The following MAGI3 variants were observed in gnomAD, a reference collection of about 807,000 sequenced individuals.
MAGI3 encodes the protein membrane associated guanylate kinase, WW and PDZ domain containing 3, also known as membrane-associated guanylate kinase, WW and PDZ domain-containing protein 3.
A neutral mutation model predicts 121.8 loss-of-function variants in MAGI3; 43 were observed. The ratio of observed to expected loss-of-function variants is 0.35; its 90% confidence interval spans 0.28 to 0.46. MAGI3 has a LOEUF of 0.46. Ranked by LOEUF, MAGI3 falls within the 20% of genes least tolerant of loss-of-function variation. The pLI, the probability that MAGI3 is intolerant of heterozygous loss-of-function variation, is 1.00. For synonymous variants in MAGI3, 553 were observed against 639.3 expected (o/e 0.86, Z 2.04); for missense variants, 1,547 against 1,797.3 (o/e 0.86, Z 2.52).
At chr1:113,618,178 T>A (rs1407952276) in intron 7 of MAGI3, among the ~76,000 whole-genome samples, 2 of 147,278 alleles carry the variant, frequency 1.4e-5, no homozygotes, top group African/African-American at 5.3e-5. Flanking sequence ...AAAAAAAAAA[T>A]TTTTTTTAAT....
At position 113,659,120 on chromosome 1, in the gene MAGI3, G is replaced by A. The variant is rs1481077287; in HGVS notation, c.2670G>A (p.Pro890=). ...HKIGRVIEGS[P]ADRCGKLKVG... ...TTGGCCGAGTCATAGAAGGAAGTCCGGCTGACCGCTGTGGAAAACTGAAAG... is the reference window on the plus strand; with the variant it reads ...TTGGCCGAGTCATAGAAGGAAGTCCAGCTGACCGCTGTGGAAAACTGAAAG... Residue 890 remains proline, a synonymous_variant, in exon 16 of 21, where the codon CCG becomes CCA. Transcript: ENST00000307546. 8 of 1,613,488 alleles carry A rather than the reference G, an allele frequency of 5.0e-6. No homozygotes were observed. The highest frequency in any genetic ancestry group is 1.3e-5 in the African/African-American group (1 of 74,886).
chr1:113,679,382 C>T (rs1252017439), intron 19 of MAGI3, among the ~76,000 whole-genome samples: 2 of 152,136 alleles, frequency 1.3e-5, no homozygotes, highest in Non-Finnish European at 2.9e-5. Context: ...CGTTAGTTTG[C>T]TTAGGATAAT....
At position 113,623,009 on chromosome 1, in the gene MAGI3, A is replaced by T. The variant is rs894396343; in HGVS notation, c.1360+15A>T. 1.3e-6 allele frequency: 2 copies of T among 1,493,130 alleles called. No homozygotes were observed. The highest frequency in any genetic ancestry group is 2.9e-5 in the African/African-American group (2 of 68,396). 92.5% of individuals were successfully genotyped at this position (1,493,130 alleles called of 1,614,324 possible). ...AATTGCACCAGGTAAGAAATTTTTC[A>T]TAATTATTTGAAGAGTAGTGATACT... is the stretch of plus-strand genomic sequence containing the variant. On this transcript the variant is annotated intron_variant, in intron 9 of 20. Coordinates refer to ENST00000307546, the MANE Select transcript of MAGI3 (RefSeq NM_001142782.2).
intron 1 of MAGI3, among the ~76,000 whole-genome samples, chr1:113,448,219 G>A (rs760104126): frequency 5.6e-4 from 86 of 152,258 alleles, no homozygotes; most frequent in Middle Eastern, 3.4e-3. Context: ...CTTTCTATGT[G>A]AGCACGTACA....
intron 9 of MAGI3, among the ~76,000 whole-genome samples, chr1:113,637,372 T>A (rs1490112102): frequency 6.6e-6 from 1 of 152,244 alleles, no homozygotes; most frequent in Non-Finnish European, 1.5e-5. Flanking sequence ...TGGTACCAGT[T>A]GTTCCTTTCC....
chr1:113,567,696 A>T (rs961613867), intron 2 of MAGI3, among the ~76,000 whole-genome samples: 4 of 152,038 alleles, frequency 2.6e-5, no homozygotes, highest in Non-Finnish European at 5.9e-5. Flanking sequence ...ATTTTTAAAA[A>T]TACTCAACAA....
At chr1:113,534,082 T>C (rs1353738415) in intron 1 of MAGI3, among the ~76,000 whole-genome samples, 1 of 152,186 alleles carries the variant, frequency 6.6e-6, no homozygotes, top group Non-Finnish European at 1.5e-5. Flanking sequence ...TAATTTCTTA[T>C]GTTTAGTATG....
At position 113,568,816 on chromosome 1, in the gene MAGI3, G is replaced by GA. The variant is rs1215904137; in HGVS notation, c.434-11723dup. ...TTTTTTGTGTTAAAGTCCTAGGTGT[G>GA]AAAGGCAAACCTGTAGTGCTTTTTA... On this transcript the variant is annotated intron_variant, in intron 2 of 20. Coordinates refer to ENST00000307546, the MANE Select transcript of MAGI3 (RefSeq NM_001142782.2). Among the ~76,000 whole-genome samples, 133 of 152,040 alleles carry GA rather than the reference G, an allele frequency of 8.7e-4. 1 individual carries two copies. The highest frequency in any genetic ancestry group is 1.9e-4 in the Non-Finnish European group (13 of 67,950).
chr1:113,567,173 T>C (rs1360504813), intron 2 of MAGI3, among the ~76,000 whole-genome samples: 2 of 151,658 alleles, frequency 1.3e-5, no homozygotes. Context: ...TGCCCACAAA[T>C]TGGATGATCT....
At chr1:113,489,220 C>G (rs1489057769) in intron 1 of MAGI3, among the ~76,000 whole-genome samples, 2 of 145,130 alleles carry the variant, frequency 1.4e-5, no homozygotes, top group Admixed American at 1.5e-4. Context: ...AGCCAGAGAA[C>G]AAAGAGCCAA....
intron 1 of MAGI3, 27 bp from the exon 2 acceptor site, chr1:113,549,488 T>TG (rs1570841957): frequency 1.9e-5 from 24 of 1,252,956 alleles, no homozygotes; most frequent in Admixed American, 6.2e-5. Context: ...ATTTATTTTC[T>TG]GTTTTTTTTT....
chr1:113,504,617 A>G (rs1657217703), intron 1 of MAGI3, among the ~76,000 whole-genome samples: 1 of 152,142 alleles, frequency 6.6e-6, no homozygotes, highest in Non-Finnish European at 1.5e-5. Flanking sequence ...TGGAAATGTA[A>G]GAGTTATTTT....
At position 113,553,303 on chromosome 1, in the gene MAGI3, G is replaced by A. The variant is rs528397380; in HGVS notation, c.433+3672G>A. Among the ~76,000 whole-genome samples the A allele has an allele frequency of 7.2e-5, 11 of 152,296 alleles. No individual in the cohort carries two copies. The South Asian group carries it at 2.3e-3, about 32-fold the overall frequency. ...ACAGAAATCTGAGTTCAAGAAGCCTGAGGTATCTGGAATTTGCAGGACAGA... is the reference window on the plus strand; with the variant it reads ...ACAGAAATCTGAGTTCAAGAAGCCTAAGGTATCTGGAATTTGCAGGACAGA... On this transcript the variant is annotated intron_variant, in intron 2 of 20. Transcript: ENST00000307546.
intron 1 of MAGI3, among the ~76,000 whole-genome samples, chr1:113,401,991 G>T (rs755274297): frequency 1.8e-4 from 28 of 152,118 alleles, no homozygotes; most frequent in Non-Finnish European, 3.7e-4. Context: ...CACTTGAGTG[G>T]AAGGAAACAC....
chr1:113,635,468 C>A (rs1375668134), intron 9 of MAGI3, among the ~76,000 whole-genome samples: 1 of 152,112 alleles, frequency 6.6e-6, no homozygotes, highest in African/African-American at 2.4e-5. Flanking sequence ...GCCTTTTCTG[C>A]ATCTATTGAG....
chr1:113,484,042 T>G (rs966182428), intron 1 of MAGI3, among the ~76,000 whole-genome samples: 26 of 152,324 alleles, frequency 1.7e-4, no homozygotes, highest in African/African-American at 6.3e-4. Context: ...ATCGTTCATA[T>G]GCAAGTTTCT....
chr1:113,505,745 AT>A (rs978350750), intron 1 of MAGI3, among the ~76,000 whole-genome samples: 2 of 152,164 alleles, frequency 1.3e-5, no homozygotes, highest in Non-Finnish European at 1.5e-5. Flanking sequence ...CCAACTGTAT[AT>A]CTGGGAGAAG....
intron 9 of MAGI3, among the ~76,000 whole-genome samples, chr1:113,624,086 TTTTC>T (rs1651064348): frequency 6.6e-6 from 1 of 152,196 alleles, no homozygotes; most frequent in African/African-American, 2.4e-5. Flanking sequence ...ATGTACCATG[TTTTC>T]TTTATCTAAT....
intron 1 of MAGI3, among the ~76,000 whole-genome samples, chr1:113,430,567 A>T (rs1653251968): frequency 6.6e-6 from 1 of 152,234 alleles, no homozygotes; most frequent in Admixed American, 6.5e-5. Context: ...TGCATGATAT[A>T]TGACTGGAAA....
Sources: allele counts gnomAD v4.1 joint callset (sites outside exome capture counted in the v4.1 genomes callset), GRCh38; gene constraint gnomAD v4.1.1; transcripts MANE v1.5; gene names NCBI Gene and HGNC (gene_info 2026-07-23, HGNC 2026-07-21).